The following MYRIP variants were observed in gnomAD, a reference collection of about 807,000 sequenced individuals.
MYRIP encodes myosin VIIA and Rab interacting protein, also known as rab effector MyRIP.
In MYRIP, 49 loss-of-function variants were observed where a neutral mutation model predicts 98.0. The observed-to-expected ratio is 0.50, with a 90% CI of 0.40 to 0.63. MYRIP has a LOEUF of 0.63. Among genes scored for constraint, MYRIP ranks in the 30% least tolerant of loss-of-function variants. The pLI, the probability that MYRIP is intolerant of heterozygous loss-of-function variation, is 0.00. For synonymous variants in MYRIP, 404 were observed against 409.5 expected (o/e 0.99, Z 0.16); for missense variants, 1,004 against 1,058.2 (o/e 0.95, Z 0.71).
intron 3 of MYRIP, among the ~76,000 whole-genome samples, chr3:40,136,825 T>C (rs1265395571): frequency 6.6e-6 from 1 of 152,158 alleles, no homozygotes; most frequent in Non-Finnish European, 1.5e-5. Context: ...AATATGTTCT[T>C]TGAAACCAAC....
At chr3:40,245,030 G>A (rs1368868830) in intron 13 of MYRIP, among the ~76,000 whole-genome samples, 1 of 152,150 alleles carries the variant, frequency 6.6e-6, no homozygotes, top group African/African-American at 2.4e-5. Context: ...TAGCTGTGTG[G>A]CTTAACATGT....
intron 1 of MYRIP, among the ~76,000 whole-genome samples, chr3:39,855,407 A>G (rs1255681124): frequency 3.3e-5 from 5 of 152,036 alleles, no homozygotes; most frequent in Non-Finnish European, 7.4e-5. Context: ...AAAAGTTTCT[A>G]TGTTTTGTGT....
intron 1 of MYRIP, among the ~76,000 whole-genome samples, chr3:39,816,248 A>C (rs71329592): frequency 0.017 from 2,602 of 151,944 alleles, 42 homozygotes; most frequent in Non-Finnish European, 0.027. Flanking sequence ...CGCCCAGCTA[A>C]ATTTTTTGTA....
intron 1 of MYRIP, among the ~76,000 whole-genome samples, chr3:39,897,405 G>A (rs1319980718): frequency 6.6e-6 from 1 of 152,178 alleles, no homozygotes; most frequent in African/African-American, 2.4e-5. Context: ...ACACTTTAGG[G>A]AAGTGGTGAT....
At chr3:40,149,250 G>A (rs529530022) in intron 3 of MYRIP, among the ~76,000 whole-genome samples, 100 of 152,214 alleles carry the variant, frequency 6.6e-4, no homozygotes, top group Non-Finnish European at 1.2e-3. Flanking sequence ...GGTGAGAGAG[G>A]GAGCAAGAGA....
chr3:39,948,061 A>C (rs1944938950), intron 2 of MYRIP, among the ~76,000 whole-genome samples: 1 of 152,180 alleles, frequency 6.6e-6, no homozygotes, highest in Non-Finnish European at 1.5e-5. Flanking sequence ...ATTCTATGCA[A>C]ATTTTAAAAT....
chr3:40,006,010 A>G (rs1946625502), intron 2 of MYRIP, among the ~76,000 whole-genome samples: 1 of 152,188 alleles, frequency 6.6e-6, no homozygotes, highest in Non-Finnish European at 1.5e-5. Flanking sequence ...TAGCTGAGTT[A>G]ATATTGGTAC....
chr3:39,828,000 C>A (rs991506556), intron 1 of MYRIP, among the ~76,000 whole-genome samples: 1 of 151,760 alleles, frequency 6.6e-6, no homozygotes, highest in Non-Finnish European at 1.5e-5. Context: ...ATGCTTTTCT[C>A]CTGCTGTTTT....
In MYRIP at chr3:39,878,368, G is replaced by A. The variant is rs577636297; in HGVS notation, c.-30-22419G>A. Among the ~76,000 whole-genome samples, 13 of 152,288 alleles carry A rather than the reference G, an allele frequency of 8.5e-5. 2 individuals are homozygous for A. The highest frequency in any genetic ancestry group is 2.9e-4 in the African/African-American group (12 of 41,568). On this transcript the variant is annotated intron_variant, in intron 1 of 16. Coordinates refer to ENST00000302541, the MANE Select transcript of MYRIP (RefSeq NM_015460.4). ...CTGCACCCACTGCCCTGTGCCCACTGTCTGGCACTCACTAGTGAGATGAAG... is the reference window on the plus strand; with the variant it reads ...CTGCACCCACTGCCCTGTGCCCACTATCTGGCACTCACTAGTGAGATGAAG...
At chr3:39,933,743 T>C (rs574087232) in intron 2 of MYRIP, among the ~76,000 whole-genome samples, 2 of 152,360 alleles carry the variant, frequency 1.3e-5, no homozygotes, top group East Asian at 1.9e-4. Flanking sequence ...GGATAAGATA[T>C]ACTATTTTGA....
At chr3:39,906,706 C>G (rs1288391272) in intron 2 of MYRIP, among the ~76,000 whole-genome samples, 2 of 152,076 alleles carry the variant, frequency 1.3e-5, no homozygotes, top group African/African-American at 4.8e-5. Flanking sequence ...AAAGTCTTAC[C>G]CAACTACCAG....
At chr3:39,999,540 G>A (rs1287609010) in intron 2 of MYRIP, among the ~76,000 whole-genome samples, 2 of 152,180 alleles carry the variant, frequency 1.3e-5, no homozygotes, top group African/African-American at 4.8e-5. Flanking sequence ...TGCTGGAGAG[G>A]ATGTGGAGAA....
chr3:40,204,576 A>G (rs1254125735), intron 10 of MYRIP, among the ~76,000 whole-genome samples: 1 of 152,066 alleles, frequency 6.6e-6, no homozygotes, highest in African/African-American at 2.4e-5. Context: ...CTGAGTAGCT[A>G]GGAATGTAAA....
intron 3 of MYRIP, among the ~76,000 whole-genome samples, chr3:40,131,574 T>C (rs1949641095): frequency 6.6e-6 from 1 of 152,198 alleles, no homozygotes; most frequent in Admixed American, 6.5e-5. Context: ...GGGGATATGA[T>C]CTTCCTTCCT....
At chr3:40,098,295 GT>G (rs1256234583) in intron 3 of MYRIP, among the ~76,000 whole-genome samples, 3 of 152,122 alleles carry the variant, frequency 2.0e-5, no homozygotes, top group Non-Finnish European at 4.4e-5. Context: ...CCTTTTCAAA[GT>G]TTTTATGTAT....
At chr3:39,867,538 G>C (rs898519569) in intron 1 of MYRIP, among the ~76,000 whole-genome samples, 3 of 152,050 alleles carry the variant, frequency 2.0e-5, no homozygotes, top group African/African-American at 4.8e-5. Context: ...ATGGCCTACA[G>C]GTATATGAAA....
chr3:39,969,722 G>T (rs553520539), intron 2 of MYRIP, among the ~76,000 whole-genome samples: 1 of 152,244 alleles, frequency 6.6e-6, no homozygotes, highest in Admixed American at 6.5e-5. Flanking sequence ...GATTCTGTTT[G>T]CAGGTATTTT....
At chr3:40,191,099 C>T (rs1951196628) in intron 10 of MYRIP, among the ~76,000 whole-genome samples, 1 of 152,232 alleles carries the variant, frequency 6.6e-6, no homozygotes, top group South Asian at 2.1e-4. Flanking sequence ...CAGACCCCTT[C>T]TCTGGATCCT....
intron 1 of MYRIP, among the ~76,000 whole-genome samples, chr3:39,841,050 T>C (rs1040098905): frequency 2.0e-5 from 3 of 152,196 alleles, no homozygotes; most frequent in Non-Finnish European, 4.4e-5. Flanking sequence ...TATCCTCAAG[T>C]GTGTTTTCCA....
Sources: allele counts gnomAD v4.1 joint callset (sites outside exome capture counted in the v4.1 genomes callset), GRCh38; gene constraint gnomAD v4.1.1; transcripts MANE v1.5; gene names NCBI Gene and HGNC (gene_info 2026-07-23, HGNC 2026-07-21).